MSH4: variants seen among roughly 807,000 people sequenced by gnomAD.
MSH4 encodes the protein mutS protein homolog 4.
A neutral mutation model predicts 113.7 loss-of-function variants in MSH4; 106 were observed. The observed-to-expected ratio is 0.93, with a 90% CI of 0.80 to 1.10. The LOEUF (loss-of-function observed/expected upper bound fraction) is 1.10, where lower values mean the gene tolerates loss of function less well. Among genes scored for constraint, MSH4 ranks in the 50% least tolerant of loss-of-function variants. The pLI is 0.00. For missense variants in MSH4, 1,061 were observed against 1,093.7 expected (o/e 0.97, Z 0.42); for synonymous variants, 368 against 380.2 (o/e 0.97, Z 0.37).
chr1:75,819,780 G>A (rs576288764), intron 6 of MSH4, among the ~76,000 whole-genome samples: 4 of 152,160 alleles, frequency 2.6e-5, no homozygotes, highest in South Asian at 2.1e-4. Flanking sequence ...GCGCAATCTC[G>A]GCTCACTGCA....
chr1:75,908,945 G>A (rs1652729660), intron 19 of MSH4, among the ~76,000 whole-genome samples: 1 of 152,144 alleles, frequency 6.6e-6, no homozygotes, highest in Non-Finnish European at 1.5e-5. Context: ...ATGACCTGTG[G>A]CATCTGCTTC....
intron 8 of MSH4, among the ~76,000 whole-genome samples, chr1:75,862,898 T>C (rs1188407773): frequency 2.0e-5 from 3 of 152,164 alleles, no homozygotes; most frequent in Non-Finnish European, 4.4e-5. Flanking sequence ...TGACCATAAG[T>C]GTTCACTAAA....
chr1:75,841,871 G>A (rs949415232), intron 7 of MSH4, among the ~76,000 whole-genome samples: 4 of 152,128 alleles, frequency 2.6e-5, no homozygotes, highest in South Asian at 2.1e-4. Context: ...GAATATAACC[G>A]CAATATATTC....
At position 75,890,624 on chromosome 1, in the gene MSH4, C is replaced by T. The variant is rs1570992499; in HGVS notation, c.2227-72C>T. Reference sequence around the variant, plus strand: ...ATGAACTTATAAAGAGACTGGGTTTCTCCTCATTTTTTCCTGTGATATTGA... The same window carrying T: ...ATGAACTTATAAAGAGACTGGGTTTTTCCTCATTTTTTCCTGTGATATTGA... On this transcript the variant is annotated intron_variant, in intron 16 of 19. Transcript: ENST00000263187. The T allele has an allele frequency of 1.1e-5, 8 of 735,966 alleles. No homozygotes were observed. The East Asian group carries it at 2.4e-4, about 22-fold the overall frequency. 45.6% of individuals were successfully genotyped at this position (735,966 alleles called of 1,614,324 possible). A position where few individuals can be genotyped will look rare whatever the true frequency, so the allele number is the denominator to read the frequency against.
At chr1:75,896,621 A>G (rs1430719825) in intron 17 of MSH4, among the ~76,000 whole-genome samples, 2 of 151,946 alleles carry the variant, frequency 1.3e-5, no homozygotes, top group Non-Finnish European at 2.9e-5. Context: ...TTACAATATT[A>G]TTTTCTAGTA....
At chr1:75,860,625 A>G (rs1651434774) in intron 8 of MSH4, among the ~76,000 whole-genome samples, 1 of 152,190 alleles carries the variant, frequency 6.6e-6, no homozygotes, top group Non-Finnish European at 1.5e-5. Context: ...GTTTCTGCCG[A>G]GAGATCCGCT....
intron 7 of MSH4, among the ~76,000 whole-genome samples, chr1:75,839,906 A>C (rs1650915459): frequency 6.8e-6 from 1 of 146,288 alleles, no homozygotes; most frequent in Non-Finnish European, 1.5e-5. Flanking sequence ...CAGCCAAAAA[A>C]CACATGAAAA....
chr1:75,890,143 G>A (rs1652217504), intron 16 of MSH4, among the ~76,000 whole-genome samples: 1 of 151,986 alleles, frequency 6.6e-6, no homozygotes, highest in Non-Finnish European at 1.5e-5. Context: ...TGAGAAAGAG[G>A]TTAATAATCT....
Position 75,796,883 on chromosome 1 carries a change from C to G in MSH4, c.-103C>G. On this transcript the variant is annotated 5_prime_UTR_variant, in exon 1 of 20. Transcript: ENST00000263187. ...CGCAGTGCAGCTTAGTGCGTCGGCGCGCAGTTCTCCCGCCCGTTTCAGCGG... is the reference window on the plus strand; with the variant it reads ...CGCAGTGCAGCTTAGTGCGTCGGCGGGCAGTTCTCCCGCCCGTTTCAGCGG... 1 of 1,528,698 alleles carries G rather than the reference C, an allele frequency of 6.5e-7. No individual in the cohort carries two copies. The highest frequency in any genetic ancestry group is 8.9e-7 in the Non-Finnish European group (1 of 1,123,084). 94.7% of individuals were successfully genotyped at this position (1,528,698 alleles called of 1,614,324 possible).
chr1:75,826,672 A>G (rs905260902), intron 7 of MSH4, among the ~76,000 whole-genome samples: 7 of 151,974 alleles, frequency 4.6e-5, no homozygotes, highest in African/African-American at 1.7e-4. Flanking sequence ...CTTTGTTTTC[A>G]TTGGTTTCAA....
intron 15 of MSH4, among the ~76,000 whole-genome samples, chr1:75,888,850 C>T (rs1193180636): frequency 6.7e-6 from 1 of 148,964 alleles, no homozygotes; most frequent in African/African-American, 2.5e-5. Context: ...CATTTACTGC[C>T]TTATTTGAAC....
At chr1:75,834,463 A>C (rs916364250) in intron 7 of MSH4, among the ~76,000 whole-genome samples, 3 of 152,254 alleles carry the variant, frequency 2.0e-5, no homozygotes, top group African/African-American at 7.2e-5. Context: ...TCATGCTGCT[A>C]TAAAGACACA....
intron 9 of MSH4, 28 bp downstream of exon 9, chr1:75,867,616 A>G (rs1045731870): frequency 7.3e-7 from 1 of 1,366,648 alleles, no homozygotes; most frequent in Non-Finnish European, 1.0e-6. Context: ...ATCGTACAAA[A>G]CATGTCCAGC....
intron 19 of MSH4, among the ~76,000 whole-genome samples, chr1:75,901,367 A>G (rs1212682967): frequency 1.3e-5 from 2 of 152,138 alleles, no homozygotes; most frequent in Non-Finnish European, 2.9e-5. Context: ...CACCTCCATG[A>G]GATCAACTCT....
intron 6 of MSH4, among the ~76,000 whole-genome samples, chr1:75,821,074 C>T (rs1336038363): frequency 6.6e-6 from 1 of 151,794 alleles, no homozygotes; most frequent in Non-Finnish European, 1.5e-5. Context: ...ATCTACAGAA[C>T]TCTCCACCCC....
chr1:75,879,672 G>C (rs1447193462), intron 12 of MSH4, among the ~76,000 whole-genome samples: 4 of 152,142 alleles, frequency 2.6e-5, no homozygotes, highest in Admixed American at 6.6e-5. Context: ...AGATTGAGTT[G>C]AGGTTCAGAT....
chr1:75,839,224 CT>C (rs535350951), intron 7 of MSH4, among the ~76,000 whole-genome samples: 1 of 151,188 alleles, frequency 6.6e-6, no homozygotes, highest in African/African-American at 2.4e-5. Context: ...TTTTTCTTTT[CT>C]TTTTTTTGAG....
chr1:75,909,878 T>G (rs1033317131), intron 19 of MSH4, among the ~76,000 whole-genome samples: 1 of 152,106 alleles, frequency 6.6e-6, no homozygotes, highest in African/African-American at 2.4e-5. Flanking sequence ...TTTGAATATT[T>G]CTGTTTTTCT....
At position 75,803,830 on chromosome 1, in the gene MSH4, C is replaced by T. The variant is rs1196977867; in HGVS notation, c.344C>T (p.Pro115Leu). ...SSSSARDTNY[P>L]QTLKTPLSTG... ...TCTTCTGCACGAGATACTAATTATCCTCAAACACTTAAAACTCCATTGTCT... is the reference window on the plus strand; with the variant it reads ...TCTTCTGCACGAGATACTAATTATCTTCAAACACTTAAAACTCCATTGTCT... The change falls in exon 2 of 20, where the codon CCT (proline) becomes CTT (leucine). Residue 115 changes from proline (P) to leucine (L), a missense_variant. Transcript: ENST00000263187. 23 of 1,603,106 alleles carry T rather than the reference C, an allele frequency of 1.4e-5. No homozygotes were observed. The highest frequency in any genetic ancestry group is 1.9e-5 in the Non-Finnish European group (22 of 1,175,196).
Sources: gnomAD v4.1 joint callset for allele counts (sites outside exome capture counted in the v4.1 genomes callset) on GRCh38, gnomAD v4.1.1 for gene constraint, MANE v1.5 for transcripts, NCBI Gene and HGNC (gene_info 2026-07-23, HGNC 2026-07-21) for gene names.